Variants in NELL2 observed in about 807,000 individuals in gnomAD.
NELL2 encodes the protein protein kinase C-binding protein NELL2.
NELL2 carries 41 observed loss-of-function variants against 109.6 expected under a neutral mutation model. That is an observed-to-expected ratio of 0.37 (90% CI 0.29 to 0.49). The LOEUF (loss-of-function observed/expected upper bound fraction) is 0.49, where lower values mean the gene tolerates loss of function less well. Ranked by LOEUF, NELL2 falls within the 20% of genes least tolerant of loss-of-function variation. The pLI, the probability that NELL2 is intolerant of heterozygous loss-of-function variation, is 0.98. For synonymous variants in NELL2, 355 were observed against 344.7 expected, an observed-to-expected ratio of 1.03 and a Z score of -0.33; for missense variants, 900 against 1,008.3, an observed-to-expected ratio of 0.89 and a Z score of 1.45.
intron 2 of NELL2, among the ~76,000 whole-genome samples, chr12:44,858,905 C>A (rs1352977241): frequency 6.6e-6 from 1 of 152,134 alleles, no homozygotes; most frequent in Non-Finnish European, 1.5e-5. Context: ...AATGATTTCA[C>A]ATTCAAGGAT....
At chr12:44,905,395 C>A (rs1034390377) in intron 1 of NELL2, among the ~76,000 whole-genome samples, 7 of 151,736 alleles carry the variant, frequency 4.6e-5, no homozygotes, top group African/African-American at 1.7e-4. Context: ...ATGTTTTTTA[C>A]TGTTCCAAGC....
At chr12:44,615,386 T>G (rs1950128638) in intron 13 of NELL2, among the ~76,000 whole-genome samples, 1 of 152,150 alleles carries the variant, frequency 6.6e-6, no homozygotes, top group South Asian at 2.1e-4. Context: ...CAGTGCTTAC[T>G]ACATATCACA....
chr12:44,544,468 C>T (rs181816140), intron 15 of NELL2, among the ~76,000 whole-genome samples: 8 of 152,132 alleles, frequency 5.3e-5, no homozygotes, highest in Non-Finnish European at 8.8e-5. Flanking sequence ...CATATGCCAT[C>T]TTTGGGAGTT....
intron 2 of NELL2, among the ~76,000 whole-genome samples, chr12:44,843,702 C>T (rs567681572): frequency 2.6e-5 from 4 of 152,140 alleles, no homozygotes; most frequent in Non-Finnish European, 4.4e-5. Context: ...GTTTGGCTGT[C>T]TGGTGAGAGC....
At chr12:44,568,462 T>G (rs912834726) in intron 15 of NELL2, among the ~76,000 whole-genome samples, 1 of 152,154 alleles carries the variant, frequency 6.6e-6, no homozygotes, top group Admixed American at 6.5e-5. Flanking sequence ...CATAAAATCC[T>G]TTGAATTTGA....
At chr12:44,912,725 T>C (rs1945793596) in intron 1 of NELL2, among the ~76,000 whole-genome samples, 1 of 152,166 alleles carries the variant, frequency 6.6e-6, no homozygotes. Flanking sequence ...TAAATTCGAA[T>C]TGTTTATGTG....
intron 2 of NELL2, among the ~76,000 whole-genome samples, chr12:44,816,972 G>A (rs1050031021): frequency 2.0e-5 from 3 of 152,206 alleles, no homozygotes; most frequent in Non-Finnish European, 4.4e-5. Context: ...CACAGTGTAC[G>A]CAAAGAAGAT....
chr12:44,849,744 G>T (rs961189857), intron 2 of NELL2, among the ~76,000 whole-genome samples: 2 of 152,094 alleles, frequency 1.3e-5, no homozygotes, highest in East Asian at 3.8e-4. Flanking sequence ...AAACCCAGGT[G>T]TTTATCAGCA....
intron 15 of NELL2, among the ~76,000 whole-genome samples, chr12:44,535,993 T>C (rs954813585): frequency 1.3e-5 from 2 of 151,976 alleles, no homozygotes; most frequent in Non-Finnish European, 2.9e-5. Context: ...AAAAAACTAG[T>C]CAGATAATAT....
chr12:44,877,030 T>C (rs900703314), upstream of NELL2: 1 of 365,000 alleles, frequency 2.7e-6, no homozygotes, highest in East Asian at 8.3e-5. Context: ...CCCTGCCAAA[T>C]AAAGCGTGGA....
intron 15 of NELL2, among the ~76,000 whole-genome samples, chr12:44,547,451 G>A (rs1942845745): frequency 6.6e-6 from 1 of 152,082 alleles, no homozygotes; most frequent in Non-Finnish European, 1.5e-5. Context: ...TCAAAATTAT[G>A]AATAAAATAT....
rs1329644146 is a variant in NELL2 at position 44,768,595 on chromosome 12, C to T, written c.994+6152G>A. Among the ~76,000 whole-genome samples, 7 of 152,202 alleles carry T rather than the reference C, an allele frequency of 4.6e-5. No homozygotes were observed. The East Asian group carries it at 1.4e-3, about 29-fold the overall frequency. ...TTTTAGTGAGAAAAGACCGTCCAGA[C>T]CAAGGCTGGATATGTGATTTCCAGT... On this transcript the variant is annotated intron_variant, in intron 9 of 19. Transcript: ENST00000429094.
At chr12:44,795,739 T>A (rs544197466) in intron 3 of NELL2, among the ~76,000 whole-genome samples, 25 of 151,976 alleles carry the variant, frequency 1.6e-4, no homozygotes, top group African/African-American at 5.5e-4. Context: ...ATATAAAGAG[T>A]GAACTACAGT....
intron 5 of NELL2, among the ~76,000 whole-genome samples, chr12:44,778,774 G>T (rs548746104): frequency 3.9e-5 from 6 of 152,240 alleles, no homozygotes; most frequent in Admixed American, 3.3e-4. Context: ...AAATGACCCT[G>T]CATCAAGACT....
chr12:44,883,890 A>G (rs1487394337), intron 1 of NELL2, among the ~76,000 whole-genome samples: 1 of 151,960 alleles, frequency 6.6e-6, no homozygotes, highest in Admixed American at 6.6e-5. Context: ...AACTTGAAAG[A>G]AAGCAGGAAA....
At chr12:44,509,037 T>G (rs1940856630) in intron 19 of NELL2, 53 bp from the exon 20 acceptor site, 1 of 1,445,736 alleles carries the variant, frequency 6.9e-7, no homozygotes, top group African/African-American at 1.4e-5. Flanking sequence ...AAGCCATTAG[T>G]AAATGATCAC....
rs191981251 is a variant in NELL2, at chr12:44,809,514, A to G, written c.335+6472T>C. On this transcript the variant is annotated intron_variant, in intron 3 of 19. Transcript: ENST00000429094. ...TTAGGTTATGCTGCTGATGGTGAAC[A>G]TACTGAAATGACTGAAGAGCCAAAA... Among the ~76,000 whole-genome samples, 332 of 152,142 alleles carry G rather than the reference A, an allele frequency of 2.2e-3. 8 individuals carry two copies. The highest frequency in any genetic ancestry group is 0.021 in the Admixed American group (316 of 15,266).
intron 3 of NELL2, among the ~76,000 whole-genome samples, chr12:44,806,129 A>G (rs1861203424): frequency 6.6e-6 from 1 of 151,960 alleles, no homozygotes; most frequent in Middle Eastern, 3.4e-3. Flanking sequence ...AAACCATAAA[A>G]ACTTAAAGGC....
Position 44,849,909 on chromosome 12 carries a change from T to C in NELL2, c.184+25316A>G, listed in dbSNP as rs193115773. 3.7e-4 allele frequency among the ~76,000 whole-genome samples: 56 copies of C among 152,304 alleles called. No individual in the cohort carries two copies. In the East Asian group the frequency reaches 8.7e-3, roughly 24 times the overall value. On this transcript the variant is annotated intron_variant, in intron 2 of 19. Coordinates refer to ENST00000429094, the MANE Select transcript of NELL2 (RefSeq NM_001145108.2). Reference sequence around the variant, plus strand: ...CACAAAAGCATATTGCTTGATTCCATTTGTATAAAATCCAAATATAGCAAA... The same window carrying C: ...CACAAAAGCATATTGCTTGATTCCACTTGTATAAAATCCAAATATAGCAAA...
Sources: gnomAD v4.1 joint callset for allele counts (sites outside exome capture counted in the v4.1 genomes callset) on GRCh38, gnomAD v4.1.1 for gene constraint, MANE v1.5 for transcripts, NCBI Gene and HGNC (gene_info 2026-07-23, HGNC 2026-07-21) for gene names.